The following TBC1D9 variants were observed in gnomAD, a reference collection of about 807,000 sequenced individuals.
The protein encoded by TBC1D9 is TBC1 domain family member 9, also known as TBC1 domain family member 9A.
A neutral mutation model predicts 132.0 loss-of-function variants in TBC1D9; 63 were observed. The observed-to-expected ratio is 0.48, with a 90% CI of 0.39 to 0.59. The LOEUF (loss-of-function observed/expected upper bound fraction) is 0.59, where lower values mean the gene tolerates loss of function less well. Among genes scored for constraint, TBC1D9 ranks in the 20% least tolerant of loss-of-function variants. The pLI is 0.00. For synonymous variants in TBC1D9, 610 were observed against 609.9 expected (o/e 1.00, Z 0.00); for missense variants, 1,261 against 1,592.7 (o/e 0.79, Z 3.54).
In TBC1D9 at chr4:140,657,714, A is replaced by G; in HGVS notation, c.2020T>C (p.Ser674Pro). Residue 674 changes from serine to proline, a missense_variant, in exon 12 of 21, where the codon TCC (serine) becomes CCC (proline). Ser to Pro is a moderately conservative substitution (Grantham distance 74, BLOSUM62 -1). This residue lies in a region of TBC1D9 where 93 missense variants were observed against 169.2 expected (regional missense o/e 0.55). Coordinates refer to ENST00000442267, the MANE Select transcript of TBC1D9 (RefSeq NM_015130.3). ...AATAGTGTGAGGAACCAAGACAGGG[A>G]GATGGTGGAAATCACGCCCAGGTCT... ...MQDLGVISTI[S>P]LSWFLTLFLS... The G allele has an allele frequency of 1.2e-6, 2 of 1,614,020 alleles. No homozygotes were observed. The highest frequency in any genetic ancestry group is 1.7e-6 in the Non-Finnish European group (2 of 1,179,896).
chr4:140,661,386 C>A (rs1328003327), intron 10 of TBC1D9, among the ~76,000 whole-genome samples: 4 of 152,130 alleles, frequency 2.6e-5, no homozygotes, highest in Non-Finnish European at 5.9e-5. Flanking sequence ...AAGCTCTATT[C>A]AAGGACATTA....
At chr4:140,642,896 G>A (rs1339463365) in intron 13 of TBC1D9, 7 of 585,830 alleles carry the variant, frequency 1.2e-5, no homozygotes, top group South Asian at 2.2e-5. Context: ...GGGACTCCTC[G>A]TGCCTGTCCT....
At chr4:140,692,230 T>G (rs1173874924) in intron 2 of TBC1D9, among the ~76,000 whole-genome samples, 1 of 152,082 alleles carries the variant, frequency 6.6e-6, no homozygotes, top group South Asian at 2.1e-4. Context: ...AAAAACCCAA[T>G]AAGCCTCCAA....
At chr4:140,679,409 A>G (rs1474509419) in intron 4 of TBC1D9, among the ~76,000 whole-genome samples, 1 of 152,224 alleles carries the variant, frequency 6.6e-6, no homozygotes, top group Non-Finnish European at 1.5e-5. Flanking sequence ...TGTCTACTGA[A>G]TTAATTACAC....
intron 13 of TBC1D9, among the ~76,000 whole-genome samples, chr4:140,654,900 C>T (rs114062845): frequency 0.014 from 2,193 of 151,780 alleles, 49 homozygotes; most frequent in African/African-American, 0.046. Context: ...TATTTGGGTA[C>T]AAGTTTATCT....
chr4:140,657,267 G>A lies in TBC1D9; in HGVS notation c.2208-41C>T, dbSNP rs756316452. ...ATCAGAAGTCACAGGAGAAGAAACT[G>A]GAATCCTCCCATTATAATTCTCCAA... On this transcript the variant is annotated intron_variant, in intron 12 of 20. Transcript: ENST00000442267. The A allele has an allele frequency of 1.1e-5, 18 of 1,600,098 alleles. 1 individual carries two copies. The South Asian group carries it at 1.8e-4, about 16-fold the overall frequency.
At chr4:140,688,358 T>C (rs948677114) in intron 2 of TBC1D9, among the ~76,000 whole-genome samples, 2 of 152,072 alleles carry the variant, frequency 1.3e-5, no homozygotes, top group African/African-American at 4.8e-5. Flanking sequence ...TTCTGTAAAA[T>C]TGAGATCAGT....
In TBC1D9 at chr4:140,756,065, G is replaced by C; in HGVS notation, c.-20C>G. 1 of 1,600,348 alleles carries C rather than the reference G, an allele frequency of 6.2e-7. No homozygotes were observed. On this transcript the variant is annotated 5_prime_UTR_variant, in exon 1 of 21. Coordinates refer to ENST00000442267, the MANE Select transcript of TBC1D9 (RefSeq NM_015130.3). The surrounding 1 kb of genome is among the most constrained non-coding windows in gnomAD (Gnocchi z 5.6). ...CCACATGGTCCTGGCTGCCGCGGGC[G>C]GGCGCACAATGGGCCCGTGGGTCCA...
chr4:140,700,314 G>C (rs978126963), intron 2 of TBC1D9, among the ~76,000 whole-genome samples: 1 of 151,688 alleles, frequency 6.6e-6, no homozygotes, highest in African/African-American at 2.4e-5. Context: ...GCTGGGCGTG[G>C]TGGCATGAGC....
In TBC1D9 at chr4:140,743,682, C is replaced by T. The variant is rs144769628; in HGVS notation, c.130+12234G>A. 2.5e-4 allele frequency among the ~76,000 whole-genome samples: 38 copies of T among 152,316 alleles called. No homozygotes were observed. In the East Asian group the frequency reaches 6.9e-3, roughly 28 times the overall value. ...TCAGAACTCAAGGTGGTACCTACCA[C>T]AGCTGTTGGCATTGTAAGCTGCCTA... On this transcript the variant is annotated intron_variant, in intron 1 of 20. Transcript: ENST00000442267.
intron 6 of TBC1D9, among the ~76,000 whole-genome samples, chr4:140,672,282 T>G (rs1333712193): frequency 6.7e-6 from 1 of 150,170 alleles, no homozygotes; most frequent in Non-Finnish European, 1.5e-5. Flanking sequence ...TTTATATATA[T>G]TAAAGGAATC....
chr4:140,648,275 T>C (rs564070881), intron 13 of TBC1D9, among the ~76,000 whole-genome samples: 13 of 152,372 alleles, frequency 8.5e-5, no homozygotes, highest in African/African-American at 3.1e-4. Flanking sequence ...TTAAAAATTT[T>C]GTTTTGATGT....
intron 1 of TBC1D9, among the ~76,000 whole-genome samples, chr4:140,746,135 GT>G (rs1380516702): frequency 6.6e-6 from 1 of 152,114 alleles, no homozygotes; most frequent in East Asian, 1.9e-4. Context: ...GTTCACCCAT[GT>G]TTCATCTCAA....
In TBC1D9 at chr4:140,668,900, CA is replaced by C; in HGVS notation, c.1588+16del. ...CCACAGACTTTGACGCCAGCATTCC[CA>C]GCCCAGCGGCCGTACCTGACAGCAG... On this transcript the variant is annotated intron_variant, in intron 9 of 20. Transcript: ENST00000442267. The C allele has an allele frequency of 6.2e-7, 1 of 1,612,696 alleles. No individual in the cohort carries two copies. The highest frequency in any genetic ancestry group is 1.1e-5 in the South Asian group (1 of 90,812).
In TBC1D9 at chr4:140,662,083, T is replaced by C; in HGVS notation, c.1613A>G (p.His538Arg). Residue 538 changes from histidine (H) to arginine (R), a missense_variant, in exon 10 of 21, where the codon CAT becomes CGT. Physicochemically the swap from His to Arg is conservative, Grantham distance 29. Around this residue, in one of 3 missense-constraint regions of TBC1D9, gnomAD observed 550 missense variants for 699.0 expected, o/e 0.79. Transcript: ENST00000442267. ...LSGAINEKAT[H>R]PGYYEDLVEK... ...CACTAGGTCTTCATAGTACCCAGGA[T>C]GTGTGGCCTTCTCATTGATGGCACC... is the stretch of plus-strand genomic sequence containing the variant. The C allele has an allele frequency of 6.2e-7, 1 of 1,613,946 alleles. No individual in the cohort carries two copies. The highest frequency in any genetic ancestry group is 8.5e-7 in the Non-Finnish European group (1 of 1,179,866).
chr4:140,644,048 C>T (rs991875333), intron 13 of TBC1D9: 20 of 447,424 alleles, frequency 4.5e-5, no homozygotes, highest in African/African-American at 1.2e-4. Context: ...TGTCTTCGGG[C>T]GAGAGTGTCA....
chr4:140,676,838 A>T (rs1170527491), intron 6 of TBC1D9, 56 bp downstream of exon 6: 1 of 1,590,378 alleles, frequency 6.3e-7, no homozygotes, highest in Admixed American at 1.7e-5. Context: ...TTCCTGGTTC[A>T]CCCAGAAAAG....
intron 6 of TBC1D9, among the ~76,000 whole-genome samples, chr4:140,672,870 G>GA (rs1474068587): frequency 2.6e-5 from 4 of 151,828 alleles, no homozygotes; most frequent in Non-Finnish European, 5.9e-5. Flanking sequence ...ATTTATGAAT[G>GA]AAAAAAAAGG....
In TBC1D9 at chr4:140,654,682, G is replaced by A. The variant is rs968369412; in HGVS notation, c.2337+2415C>T. Among the ~76,000 whole-genome samples, 56 of 152,228 alleles carry A rather than the reference G, an allele frequency of 3.7e-4. 1 individual carries two copies. Among genetic ancestry groups the A allele is most frequent in the African/African-American group, 1.3e-3 (56 of 41,534 alleles). On this transcript the variant is annotated intron_variant, in intron 13 of 20. Transcript: ENST00000442267. ...TCCTGGGGCGATGACTTTTTTAAAT[G>A]CATATGGAAATAGTTTTGGAGACAG...
Sources: allele counts gnomAD v4.1 joint callset (sites outside exome capture counted in the v4.1 genomes callset), GRCh38; gene constraint gnomAD v4.1.1; regional missense constraint gnomAD v4.1.1; non-coding constraint Gnocchi (gnomAD v3.1); transcripts MANE v1.5; gene names NCBI Gene and HGNC (gene_info 2026-07-23, HGNC 2026-07-21).